OXSR1: variants seen among roughly 807,000 people sequenced by gnomAD.
The protein encoded by OXSR1 is oxidative stress responsive kinase 1, also known as serine/threonine-protein kinase OSR1.
Under a neutral mutation model 79.8 loss-of-function variants are expected in OXSR1, and 24 were observed. The ratio of observed to expected loss-of-function variants is 0.30; its 90% confidence interval spans 0.22 to 0.42. OXSR1 has a LOEUF of 0.42. Among genes scored for constraint, OXSR1 ranks in the 10% least tolerant of loss-of-function variants. The pLI, the probability that OXSR1 is intolerant of heterozygous loss-of-function variation, is 1.00. For synonymous variants in OXSR1, 226 were observed against 209.2 expected (o/e 1.08, Z -0.69); for missense variants, 430 against 618.4 (o/e 0.70, Z 3.23).
chr3:38,242,307 G>T (rs1253191374), intron 11 of OXSR1, among the ~76,000 whole-genome samples: 7 of 152,050 alleles, frequency 4.6e-5, no homozygotes, highest in Admixed American at 4.6e-4. Context: ...ATCATTTTTG[G>T]CTCAAGAGTT....
At chr3:38,238,362 G>T (rs1187225585) in intron 11 of OXSR1, among the ~76,000 whole-genome samples, 1 of 151,968 alleles carries the variant, frequency 6.6e-6, no homozygotes, top group Non-Finnish European at 1.5e-5. Flanking sequence ...TAGATCTAAG[G>T]AGAAAAATCT....
At chr3:38,232,483 G>A (rs1040843548) in intron 10 of OXSR1, among the ~76,000 whole-genome samples, 9 of 151,786 alleles carry the variant, frequency 5.9e-5, no homozygotes, top group East Asian at 3.9e-4. Flanking sequence ...GATCAAGCAC[G>A]GTGGCTCACG....
At chr3:38,252,719 C>A in intron 17 of OXSR1, 98 bp from the exon 18 acceptor site, 1 of 905,304 alleles carries the variant, frequency 1.1e-6, no homozygotes, top group South Asian at 1.4e-5. Context: ...GGACCTGTTG[C>A]CCACTGCCTA....
intron 5 of OXSR1, among the ~76,000 whole-genome samples, chr3:38,217,649 T>C (rs1455846995): frequency 6.6e-6 from 1 of 152,114 alleles, no homozygotes; most frequent in African/African-American, 2.4e-5. Context: ...TGCCTCAGCC[T>C]CCCAAGTAGT....
chr3:38,179,581 T>G (rs1426395501), intron 1 of OXSR1, among the ~76,000 whole-genome samples: 1 of 152,196 alleles, frequency 6.6e-6, no homozygotes, highest in African/African-American at 2.4e-5. Context: ...CAGAATGTTT[T>G]CATAACTCCA....
In OXSR1 at chr3:38,222,225, C is replaced by T. The variant is rs34730563; in HGVS notation, c.600+538C>T. Among the ~76,000 whole-genome samples the T allele has an allele frequency of 4.0e-3, 607 of 152,268 alleles. 7 individuals carry two copies. The highest frequency in any genetic ancestry group is 0.014 in the African/African-American group (584 of 41,540). On this transcript the variant is annotated intron_variant, in intron 6 of 17. Transcript: ENST00000311806. ...ATGAGATTGACAGCTGTCTATTAGT[C>T]ACATATACTCACAGCCTAGGGGAGG...
chr3:38,222,914 A>G (rs1031792608), intron 6 of OXSR1, among the ~76,000 whole-genome samples: 2 of 152,182 alleles, frequency 1.3e-5, no homozygotes, highest in African/African-American at 4.8e-5. Flanking sequence ...TTTATCACAA[A>G]TGTTTTTTAT....
intron 5 of OXSR1, among the ~76,000 whole-genome samples, chr3:38,220,151 A>G (rs1702560759): frequency 6.6e-6 from 1 of 151,850 alleles, no homozygotes; most frequent in African/African-American, 2.4e-5. Flanking sequence ...GTGCATTCAG[A>G]CAAGATTATT....
intron 5 of OXSR1, 77 bp from the exon 6 acceptor site, chr3:38,221,501 A>C: frequency 1.3e-6 from 1 of 775,556 alleles, no homozygotes; most frequent in East Asian, 2.5e-5. Flanking sequence ...TAGGATGTTC[A>C]CTACATTGTA....
At chr3:38,236,732 AT>A (rs1447931064) in intron 10 of OXSR1, 106 bp from the exon 11 acceptor site, 1 of 993,596 alleles carries the variant, frequency 1.0e-6, no homozygotes, top group Non-Finnish European at 1.4e-6. Flanking sequence ...GGGGAAAATG[AT>A]TATCTACTTA....
intron 2 of OXSR1, among the ~76,000 whole-genome samples, chr3:38,188,951 G>A (rs543030869): frequency 5.9e-5 from 9 of 152,190 alleles, no homozygotes; most frequent in Admixed American, 5.2e-4. Flanking sequence ...CATGTTGATC[G>A]AGTACCTAGC....
chr3:38,245,051 A>G (rs1162701643), intron 12 of OXSR1, among the ~76,000 whole-genome samples: 1 of 152,206 alleles, frequency 6.6e-6, no homozygotes, highest in African/African-American at 2.4e-5. Flanking sequence ...TAACATTTTC[A>G]AAAGTAGTCT....
intron 12 of OXSR1, among the ~76,000 whole-genome samples, chr3:38,244,666 T>TGTGC (rs748851263): frequency 8.3e-5 from 12 of 143,954 alleles, no homozygotes; most frequent in Non-Finnish European, 1.2e-4. Context: ...TGTGTGTGTG[T>TGTGC]GCGTGCGCAT....
Position 38,224,626 on chromosome 3 carries a change from A to G in OXSR1, c.758A>G (p.Asp253Gly). 6.3e-7 allele frequency: 1 copy of G among 1,597,376 alleles called. No individual in the cohort carries two copies. The highest frequency in any genetic ancestry group is 8.5e-7 in the Non-Finnish European group (1 of 1,172,510). ...CCTTCTTTGGAAACTGGTGTTCAAG[A>G]TAAAGAAATGCTGAAAAAATATGGA... is the stretch of plus-strand genomic sequence containing the variant. The part of the protein sequence containing the change: ...DPPSLETGVQ[D>G]KEMLKKYGKS... Residue 253 changes from aspartate (D) to glycine (G), a missense_variant, in exon 8 of 18, where the codon GAT becomes GGT. Asp to Gly is a moderately conservative substitution (Grantham distance 94, BLOSUM62 -1). This residue lies in a region of OXSR1 where 276 missense variants were observed against 354.2 expected (regional missense o/e 0.78). Transcript: ENST00000311806.
At chr3:38,183,819 T>C (rs1320654283) in intron 2 of OXSR1, among the ~76,000 whole-genome samples, 2 of 152,184 alleles carry the variant, frequency 1.3e-5, no homozygotes, top group African/African-American at 4.8e-5. Flanking sequence ...TTTTAGGCAT[T>C]GTGCTACCCA....
Position 38,202,660 on chromosome 3 carries a change from C to G in OXSR1, c.434+3797C>G, listed in dbSNP as rs895946965. Among the ~76,000 whole-genome samples the G allele has an allele frequency of 4.4e-4, 67 of 152,176 alleles. 1 individual carries two copies. Among genetic ancestry groups the G allele is most frequent in the Admixed American group, 4.3e-3 (66 of 15,284 alleles). The stretch of plus-strand genomic sequence containing the variant: ...AATACAAATTAGATATAGAGATGAT[C>G]ATGGACAATTATCAATCATTATTAT... On this transcript the variant is annotated intron_variant, in intron 4 of 17. Coordinates refer to ENST00000311806, the MANE Select transcript of OXSR1 (RefSeq NM_005109.3).
At chr3:38,218,680 G>A (rs954292517) in intron 5 of OXSR1, among the ~76,000 whole-genome samples, 1 of 152,018 alleles carries the variant, frequency 6.6e-6, no homozygotes, top group Non-Finnish European at 1.5e-5. Context: ...TTAAAATTTT[G>A]ATTATCTACT....
intron 4 of OXSR1, among the ~76,000 whole-genome samples, chr3:38,210,672 A>G (rs1195029212): frequency 1.3e-5 from 2 of 152,158 alleles, no homozygotes; most frequent in African/African-American, 4.8e-5. Flanking sequence ...TGACTCCAGC[A>G]ATAGTCTTCT....
intron 9 of OXSR1, 113 bp from the exon 10 acceptor site, chr3:38,230,252 C>G: frequency 1.4e-6 from 1 of 715,600 alleles, no homozygotes; most frequent in Non-Finnish European, 2.5e-6. Flanking sequence ...TTTTCTCACA[C>G]TTCATTACAG....
Sources: gnomAD v4.1 joint callset for allele counts (sites outside exome capture counted in the v4.1 genomes callset) on GRCh38, gnomAD v4.1.1 for gene constraint, gnomAD v4.1.1 regional missense constraint, MANE v1.5 for transcripts, NCBI Gene and HGNC (gene_info 2026-07-23, HGNC 2026-07-21) for gene names.